AGAP1: variants seen among roughly 807,000 people sequenced by gnomAD.
AGAP1 encodes the protein arf-GAP with GTPase, ANK repeat and PH domain-containing protein 1.
AGAP1 carries 29 observed loss-of-function variants against 105.3 expected under a neutral mutation model. The observed-to-expected ratio is 0.28, with a 90% CI of 0.21 to 0.38. The LOEUF is 0.38. Ranked by LOEUF, AGAP1 falls within the 10% of genes least tolerant of loss-of-function variation. The pLI is 1.00. For synonymous variants in AGAP1, 509 were observed against 485.9 expected (o/e 1.05, Z -0.63); for missense variants, 998 against 1,165.1 (o/e 0.86, Z 2.09).
At chr2:235,784,228 C>T (rs1956466180) in intron 6 of AGAP1, among the ~76,000 whole-genome samples, 1 of 152,088 alleles carries the variant, frequency 6.6e-6, no homozygotes, top group South Asian at 2.1e-4. Context: ...GATGTGCTTT[C>T]TCACAAGTAG....
At chr2:235,531,247 A>G (rs1943034603) in intron 1 of AGAP1, among the ~76,000 whole-genome samples, 2 of 152,106 alleles carry the variant, frequency 1.3e-5, no homozygotes, top group Non-Finnish European at 2.9e-5. Flanking sequence ...CTTGCAGTTC[A>G]TGAGATGACT....
rs1382488413 is a variant in AGAP1 at position 235,610,067 on chromosome 2, CTG to C, written c.164-99109_164-99108del. Reference sequence around the variant, plus strand: ...TGCTTTTCCTGCATTTGCCCCAACTCTGTGCAGGGCCAGCACTTTTAGCTCCT... The same window carrying C: ...TGCTTTTCCTGCATTTGCCCCAACTCTGCAGGGCCAGCACTTTTAGCTCCT... On this transcript the variant is annotated intron_variant, in intron 1 of 17. Coordinates refer to ENST00000304032, the MANE Select transcript of AGAP1 (RefSeq NM_001037131.3). This position sits in a 1 kb window ranked among gnomAD's most constrained non-coding sequence, Gnocchi z 4.9. Among the ~76,000 whole-genome samples, 2 of 152,166 alleles carry C rather than the reference CTG, an allele frequency of 1.3e-5. No homozygotes were observed. The highest frequency in any genetic ancestry group is 2.4e-5 in the African/African-American group (1 of 41,428).
intron 9 of AGAP1, among the ~76,000 whole-genome samples, chr2:235,812,317 G>A (rs560535202): frequency 1.3e-5 from 2 of 152,222 alleles, no homozygotes; most frequent in Non-Finnish European, 1.5e-5. Flanking sequence ...CGGCCTGCCC[G>A]GGGCAAGCCC....
At position 235,976,665 on chromosome 2, in the gene AGAP1, G is replaced by A. The variant is rs753510255; in HGVS notation, c.1645+8042G>A. On this transcript the variant is annotated intron_variant, in intron 13 of 17. Transcript: ENST00000304032. This position sits in a 1 kb window ranked among gnomAD's most constrained non-coding sequence, Gnocchi z 4.5. ...TGCTGGATGGGACATCAACTGAAGC[G>A]GCCCAGCCATCAGGACACACATAGA... Among the ~76,000 whole-genome samples the A allele has an allele frequency of 2.0e-5, 3 of 152,116 alleles. No homozygotes were observed. Among genetic ancestry groups the A allele is most frequent in the South Asian group, 2.1e-4 (1 of 4,826 alleles).
At position 235,734,470 on chromosome 2, in the gene AGAP1, G is replaced by T. The variant is rs944149185; in HGVS notation, c.311-6493G>T. Reference sequence around the variant, plus strand: ...TCTCTGATGGCAAAGGGAAACAGTGGGCTCTACACATGGAGCTTTGAAGTC... The same window carrying T: ...TCTCTGATGGCAAAGGGAAACAGTGTGCTCTACACATGGAGCTTTGAAGTC... On this transcript the variant is annotated intron_variant, in intron 3 of 17. Transcript: ENST00000304032. The surrounding 1 kb of genome is among the most constrained non-coding windows in gnomAD (Gnocchi z 5.3). Among the ~76,000 whole-genome samples the T allele has an allele frequency of 2.6e-5, 4 of 151,454 alleles. No homozygotes were observed. The highest frequency in any genetic ancestry group is 9.7e-5 in the African/African-American group (4 of 41,142).
chr2:236,116,316 A>G (rs998212762), intron 16 of AGAP1, among the ~76,000 whole-genome samples: 2 of 148,592 alleles, frequency 1.3e-5, no homozygotes, highest in Non-Finnish European at 3.0e-5. Flanking sequence ...TTTTTTTTCC[A>G]TAAGTTATTG....
At chr2:235,778,379 G>A (rs1559475557) in intron 6 of AGAP1, among the ~76,000 whole-genome samples, 1 of 152,224 alleles carries the variant, frequency 6.6e-6, no homozygotes, top group African/African-American at 2.4e-5. Context: ...TAATCAGACA[G>A]CATCTCTTTA....
At chr2:235,755,238 G>C (rs906671454) in intron 6 of AGAP1, among the ~76,000 whole-genome samples, 1 of 152,128 alleles carries the variant, frequency 6.6e-6, no homozygotes, top group Admixed American at 6.5e-5. Flanking sequence ...GGCTCTGTTT[G>C]CCTCTTCCTG....
chr2:235,603,251 C>G (rs959386821), intron 1 of AGAP1, among the ~76,000 whole-genome samples: 3 of 152,140 alleles, frequency 2.0e-5, no homozygotes, highest in African/African-American at 4.8e-5. Context: ...GTAAGATGTG[C>G]CTTTCACCTT....
At chr2:235,924,531 G>A (rs114901224) in intron 11 of AGAP1, among the ~76,000 whole-genome samples, 3,115 of 152,234 alleles carry the variant, frequency 0.02, 53 homozygotes, top group Middle Eastern at 0.048. Flanking sequence ...CTGCATACCG[G>A]GTCCCATCTT....
At chr2:235,603,246 A>T (rs1461314195) in intron 1 of AGAP1, among the ~76,000 whole-genome samples, 1 of 152,234 alleles carries the variant, frequency 6.6e-6, no homozygotes, top group South Asian at 2.1e-4. Context: ...GCCATGTAAG[A>T]TGTGCCTTTC....
intron 13 of AGAP1, among the ~76,000 whole-genome samples, chr2:235,984,641 C>T (rs1422447356): frequency 6.6e-6 from 1 of 152,000 alleles, no homozygotes; most frequent in South Asian, 2.1e-4. Flanking sequence ...TGTATTGTTC[C>T]CCGCTCTGTG....
In AGAP1 at chr2:235,610,915, A is replaced by C. The variant is rs968672968; in HGVS notation, c.164-98264A>C. On this transcript the variant is annotated intron_variant, in intron 1 of 17. Coordinates refer to ENST00000304032, the MANE Select transcript of AGAP1 (RefSeq NM_001037131.3). This position sits in a 1 kb window ranked among gnomAD's most constrained non-coding sequence, Gnocchi z 4.9. The stretch of plus-strand genomic sequence containing the variant: ...TTCGTTTCACCTGTCCTCTGCCTGT[A>C]ATCCTTTTCAGCCCCTCTGAAGAGC... Among the ~76,000 whole-genome samples the C allele has an allele frequency of 1.3e-5, 2 of 152,026 alleles. No homozygotes were observed. The highest frequency in any genetic ancestry group is 2.9e-5 in the Non-Finnish European group (2 of 68,020).
chr2:236,077,131 A>G (rs1196599140), intron 16 of AGAP1, among the ~76,000 whole-genome samples: 2 of 75,100 alleles, frequency 2.7e-5, no homozygotes, highest in South Asian at 5.0e-4. Context: ...GAGTAGAAAA[A>G]AAAAAAAAAA....
intron 1 of AGAP1, among the ~76,000 whole-genome samples, chr2:235,671,708 C>T (rs1241833485): frequency 6.6e-6 from 1 of 152,196 alleles, no homozygotes; most frequent in Non-Finnish European, 1.5e-5. Flanking sequence ...ATTCTGTTTC[C>T]TCATAATGTA....
chr2:236,098,884 A>G (rs1195691012), intron 16 of AGAP1, among the ~76,000 whole-genome samples: 2 of 150,878 alleles, frequency 1.3e-5, no homozygotes, highest in African/African-American at 4.9e-5. Context: ...TAGCCTCCCC[A>G]AGTGCTGGGA....
At chr2:236,033,628 C>T (rs996540449) in intron 13 of AGAP1, among the ~76,000 whole-genome samples, 15 of 152,360 alleles carry the variant, frequency 9.8e-5, no homozygotes, top group African/African-American at 2.9e-4. Flanking sequence ...GTCCTCACCA[C>T]GTAGACACGT....
chr2:235,792,160 C>G lies in AGAP1; in HGVS notation c.674-5599C>G, dbSNP rs890756738. ...GCTTTCCCAGTAGCAGAGGAACCCT[C>G]TTCCCAAACGTGGGCTTGATTTACA... On this transcript the variant is annotated intron_variant, in intron 6 of 17. Coordinates refer to ENST00000304032, the MANE Select transcript of AGAP1 (RefSeq NM_001037131.3). The surrounding 1 kb of genome is among the most constrained non-coding windows in gnomAD (Gnocchi z 5.3). Among the ~76,000 whole-genome samples, 3 of 152,194 alleles carry G rather than the reference C, an allele frequency of 2.0e-5. No individual in the cohort carries two copies. The highest frequency in any genetic ancestry group is 4.4e-5 in the Non-Finnish European group (3 of 68,040).
intron 1 of AGAP1, among the ~76,000 whole-genome samples, chr2:235,573,031 TTC>T (rs539304439): frequency 0.1 from 3,986 of 38,080 alleles, 499 homozygotes; most frequent in African/African-American, 0.2. Flanking sequence ...CTTCTTCTTC[TTC>T]TTCTTCTTCT....
Sources: allele counts gnomAD v4.1 joint callset (sites outside exome capture counted in the v4.1 genomes callset), GRCh38; gene constraint gnomAD v4.1.1; non-coding constraint Gnocchi (gnomAD v3.1); transcripts MANE v1.5; gene names NCBI Gene and HGNC (gene_info 2026-07-23, HGNC 2026-07-21).